Variants in OLFM2 observed in about 807,000 individuals in gnomAD.
OLFM2 encodes olfactomedin 2.
OLFM2 carries 20 observed loss-of-function variants against 43.9 expected under a neutral mutation model. The observed-to-expected ratio is 0.46, with a 90% CI of 0.32 to 0.66. The LOEUF (loss-of-function observed/expected upper bound fraction) is 0.66. Among genes scored for constraint, OLFM2 ranks in the 30% least tolerant of loss-of-function variants. The probability of loss-of-function intolerance (pLI) is 0.04; values close to 1 mark genes in which losing one functional copy is unlikely to be tolerated. For missense variants in OLFM2, 416 were observed against 643.6 expected, an observed-to-expected ratio of 0.65 and a Z score of 3.83; for synonymous variants, 268 against 278.6, an observed-to-expected ratio of 0.96 and a Z score of 0.38.
At chr19:9,873,507 T>G (rs529501833) in intron 1 of OLFM2, among the ~76,000 whole-genome samples, 1 of 152,214 alleles carries the variant, frequency 6.6e-6, no homozygotes, top group East Asian at 1.9e-4. Flanking sequence ...CAGGCTGGAG[T>G]GCAGGGGCAT....
chr19:9,898,071 A>T (rs1326476735), intron 1 of OLFM2, among the ~76,000 whole-genome samples: 1 of 127,862 alleles, frequency 7.8e-6, no homozygotes, highest in Non-Finnish European at 1.6e-5. Context: ...TGCCCAGCTA[A>T]TTTTTTTTTT....
intron 1 of OLFM2, among the ~76,000 whole-genome samples, chr19:9,868,131 T>C (rs904156058): frequency 1.3e-5 from 2 of 151,954 alleles, no homozygotes; most frequent in African/African-American, 4.8e-5. Context: ...GGCGTGATCT[T>C]GGCTCACTGC....
At chr19:9,919,789 AT>A (rs750249042) in intron 1 of OLFM2, among the ~76,000 whole-genome samples, 1,509 of 90,576 alleles carry the variant, frequency 0.017, 12 homozygotes, top group African/African-American at 0.042. Context: ...GACCACTGCC[AT>A]TTTTTTTTTT....
chr19:9,931,077 C>A (rs1487583711), intron 1 of OLFM2, among the ~76,000 whole-genome samples: 1 of 152,112 alleles, frequency 6.6e-6, no homozygotes, highest in South Asian at 2.1e-4. Flanking sequence ...AATCTTAAAT[C>A]CAGCCCCAAG....
At chr19:9,906,425 T>C (rs7250025) in intron 1 of OLFM2, among the ~76,000 whole-genome samples, 68,861 of 151,910 alleles carry the variant, frequency 0.45, 15,850 homozygotes, top group Admixed American at 0.56. Context: ...GTTGCCTCTA[T>C]GTGTCTCTGG....
At chr19:9,868,042 A>G (rs1257288433) in intron 1 of OLFM2, among the ~76,000 whole-genome samples, 1 of 151,514 alleles carries the variant, frequency 6.6e-6, no homozygotes, top group Non-Finnish European at 1.5e-5. Context: ...AGGTGGGACT[A>G]CAGGTGTGAG....
intron 1 of OLFM2, among the ~76,000 whole-genome samples, chr19:9,914,896 G>A (rs1599498416): frequency 6.6e-6 from 1 of 152,034 alleles, no homozygotes; most frequent in East Asian, 1.9e-4. Flanking sequence ...CCGTCTGGAG[G>A]CGGCGATGAC....
chr19:9,889,270 G>C (rs1307324848), intron 1 of OLFM2, among the ~76,000 whole-genome samples: 1 of 151,772 alleles, frequency 6.6e-6, no homozygotes, highest in South Asian at 2.1e-4. Flanking sequence ...TTGTTTTTGA[G>C]ATAGGCTCTT....
chr19:9,909,544 A>T (rs1215727358), intron 1 of OLFM2, among the ~76,000 whole-genome samples: 1 of 150,004 alleles, frequency 6.7e-6, no homozygotes, highest in Non-Finnish European at 1.5e-5. Context: ...AGGAAGCCAG[A>T]GAGAAGCAGG....
At chr19:9,928,481 A>C (rs1253307201) in intron 1 of OLFM2, among the ~76,000 whole-genome samples, 3 of 152,088 alleles carry the variant, frequency 2.0e-5, no homozygotes, top group African/African-American at 7.2e-5. Context: ...TGGGACCGAG[A>C]GTCTACTGGG....
In OLFM2 at chr19:9,854,127, G is replaced by A; in HGVS notation, c.*59C>T. 1.3e-6 allele frequency: 2 copies of A among 1,507,228 alleles called. No homozygotes were observed. The highest frequency in any genetic ancestry group is 1.7e-5 in the Admixed American group (1 of 57,664). The allele number at this position is 1,507,228 out of a possible 1,614,324, so 93.4% of individuals were successfully genotyped here. On this transcript the variant is annotated 3_prime_UTR_variant, in exon 6 of 6. Coordinates refer to ENST00000264833, the MANE Select transcript of OLFM2 (RefSeq NM_058164.4). This position sits in a 1 kb window ranked among gnomAD's most constrained non-coding sequence, Gnocchi z 9.5. ...CACCCTTGAGGGACACAGGCAGAATGAAAAGGGCCCCCAGCCCCCAGAGGC... is the reference window on the plus strand; with the variant it reads ...CACCCTTGAGGGACACAGGCAGAATAAAAAGGGCCCCCAGCCCCCAGAGGC...
At chr19:9,872,467 A>G (rs1356446086) in intron 1 of OLFM2, among the ~76,000 whole-genome samples, 3 of 151,960 alleles carry the variant, frequency 2.0e-5, no homozygotes, top group African/African-American at 7.3e-5. Flanking sequence ...GTGAGCCGAG[A>G]TCACGCCACT....
chr19:9,879,869 T>G (rs936407045), intron 1 of OLFM2, among the ~76,000 whole-genome samples: 8 of 152,018 alleles, frequency 5.3e-5, no homozygotes, highest in African/African-American at 1.7e-4. Context: ...CTCCGTCTCC[T>G]GGGTTCAAGT....
chr19:9,913,677 G>C (rs2046848682), intron 1 of OLFM2: 5 of 1,118,366 alleles, frequency 4.5e-6, no homozygotes, highest in Non-Finnish European at 4.4e-6. Context: ...GGCCCGCCGC[G>C]GGGCGCTCGG....
rs369335977 is a variant in OLFM2, at chr19:9,913,276, G to A, written c.63+23028C>T. 8.5e-5 allele frequency among the ~76,000 whole-genome samples: 13 copies of A among 152,284 alleles called. No homozygotes were observed. In the East Asian group the frequency reaches 1.6e-3, roughly 18 times the overall value. On this transcript the variant is annotated intron_variant, in intron 1 of 5. Coordinates refer to ENST00000264833, the MANE Select transcript of OLFM2 (RefSeq NM_058164.4). The stretch of plus-strand genomic sequence containing the variant: ...GAACCATCCTAAATGGCGCGGAGGT[G>A]GCTAGGGGTCCCGGGGCTCCTTCTG...
At chr19:9,860,181 T>C (rs1247408604) in intron 2 of OLFM2, among the ~76,000 whole-genome samples, 1 of 149,436 alleles carries the variant, frequency 6.7e-6, no homozygotes, top group Non-Finnish European at 1.5e-5. Flanking sequence ...TGAACAGATA[T>C]TGGATAAAGT....
At position 9,853,760 on chromosome 19, in the gene OLFM2, A is replaced by G; in HGVS notation, c.*426T>C. Reference sequence around the variant, plus strand: ...TGTTTATTCCGGCAAACCGGAAAGAAAAAGTGTAAATAAAAAAAGAAACAG... The same window carrying G: ...TGTTTATTCCGGCAAACCGGAAAGAGAAAGTGTAAATAAAAAAAGAAACAG... On this transcript the variant is annotated 3_prime_UTR_variant, in exon 6 of 6. Transcript: ENST00000264833. The G allele has an allele frequency of 2.5e-6, 1 of 406,532 alleles. No homozygotes were observed. The highest frequency in any genetic ancestry group is 4.3e-6 in the Non-Finnish European group (1 of 230,698). 25.2% of individuals were successfully genotyped at this position (406,532 alleles called of 1,614,324 possible). A position where few individuals can be genotyped will look rare whatever the true frequency, so the allele number is the denominator to read the frequency against.
chr19:9,914,337 G>T (rs116734842), intron 1 of OLFM2, among the ~76,000 whole-genome samples: 2,525 of 152,260 alleles, frequency 0.017, 51 homozygotes, highest in African/African-American at 0.047. Context: ...CCATGAATCG[G>T]GTCACCAAGG....
chr19:9,924,179 G>A (rs28895627), intron 1 of OLFM2, among the ~76,000 whole-genome samples: 10,767 of 146,560 alleles, frequency 0.073, 1,341 homozygotes, highest in African/African-American at 0.26. Flanking sequence ...GGGAGGCCAA[G>A]GCAGGCAGAT....
Sources: allele counts gnomAD v4.1 joint callset (sites outside exome capture counted in the v4.1 genomes callset), GRCh38; gene constraint gnomAD v4.1.1; non-coding constraint Gnocchi (gnomAD v3.1); transcripts MANE v1.5; gene names NCBI Gene and HGNC (gene_info 2026-07-23, HGNC 2026-07-21).